CDH11: variants seen among roughly 807,000 people sequenced by gnomAD.
CDH11 encodes cadherin-11.
Under a neutral mutation model 67.8 loss-of-function variants are expected in CDH11, and 11 were observed. The observed-to-expected ratio is 0.16, with a 90% CI of 0.10 to 0.27. CDH11 has a LOEUF of 0.27. Ranked by LOEUF, CDH11 falls within the 10% of genes least tolerant of loss-of-function variation. The probability of loss-of-function intolerance (pLI) is 1.00; values close to 1 mark genes in which losing one functional copy is unlikely to be tolerated. For missense variants in CDH11, 847 were observed against 1,031.2 expected (o/e 0.82, Z 2.45); for synonymous variants, 419 against 400.0 (o/e 1.05, Z -0.57).
At chr16:65,021,567 C>CAT (rs1291129386) in intron 2 of CDH11, among the ~76,000 whole-genome samples, 2 of 72,806 alleles carry the variant, frequency 2.7e-5, no homozygotes, top group Non-Finnish European at 7.0e-5. Flanking sequence ...CACACACACA[C>CAT]ACATATATAT....
At chr16:65,047,358 G>GT (rs202208591) in intron 2 of CDH11, among the ~76,000 whole-genome samples, 8,550 of 148,522 alleles carry the variant, frequency 0.058, 543 homozygotes, top group African/African-American at 0.16. Flanking sequence ...GTTTGTTTTT[G>GT]GTTTTTTTTT....
Position 64,944,091 on chromosome 16 carries a change from G to A in CDH11, c.*3512C>T, listed in dbSNP as rs139003527. ...GAGTGGAATGACACTGGAGAGGTTC[G>A]CAGGGCCCTGTTCATGTAAAGCAAT... On this transcript the variant is annotated 3_prime_UTR_variant, in exon 13 of 13. Coordinates refer to ENST00000268603, the MANE Select transcript of CDH11 (RefSeq NM_001797.4). The A allele has an allele frequency of 9.0e-5, 21 of 232,484 alleles. No individual in the cohort carries two copies. The highest frequency in any genetic ancestry group is 7.9e-4 in the Admixed American group (14 of 17,756). The allele number at this position is 232,484 out of a possible 1,614,324, so 14.4% of individuals were successfully genotyped here. A position where few individuals can be genotyped will look rare whatever the true frequency, so the allele number is the denominator to read the frequency against.
rs2074558496 is a variant in CDH11 at position 65,078,701 on chromosome 16, T to C, written c.-297-24773A>G. 2.0e-5 allele frequency among the ~76,000 whole-genome samples: 3 copies of C among 152,258 alleles called. No individual in the cohort carries two copies. In the South Asian group the frequency reaches 6.2e-4, roughly 32 times the overall value. On this transcript the variant is annotated intron_variant, in intron 1 of 12. Coordinates refer to ENST00000268603, the MANE Select transcript of CDH11 (RefSeq NM_001797.4). Reference sequence around the variant, plus strand: ...TGCTGTTTTCTGCTGAATGAGGCACTAGAAATCACAAGGCAGGTAAGCAAT... The same window carrying C: ...TGCTGTTTTCTGCTGAATGAGGCACCAGAAATCACAAGGCAGGTAAGCAAT...
chr16:65,089,379 A>G (rs2074754679), intron 1 of CDH11, among the ~76,000 whole-genome samples: 1 of 152,194 alleles, frequency 6.6e-6, no homozygotes, highest in African/African-American at 2.4e-5. Flanking sequence ...ATTTAATAAC[A>G]TTCTATATTT....
At chr16:65,049,600 A>G (rs1043884849) in intron 2 of CDH11, among the ~76,000 whole-genome samples, 1 of 152,202 alleles carries the variant, frequency 6.6e-6, no homozygotes, top group Non-Finnish European at 1.5e-5. Context: ...CACTAGCTAA[A>G]TAAAGCAAGA....
chr16:65,014,897 C>T (rs933534285), intron 2 of CDH11, among the ~76,000 whole-genome samples: 2 of 151,416 alleles, frequency 1.3e-5, no homozygotes, highest in South Asian at 2.1e-4. Flanking sequence ...CTCTTTTTGG[C>T]CAGGCTGGAG....
rs1444187323 is a variant in CDH11, at chr16:64,992,924, C to T, written c.634G>A (p.Ala212Thr). The change falls in exon 5 of 13, where the codon GCA becomes ACA. Residue 212 changes from alanine to threonine, a missense_variant. Coordinates refer to ENST00000268603, the MANE Select transcript of CDH11 (RefSeq NM_001797.4). ...LEGQPYFSVE[A>T]QTGIIRTALP... ...TGACATTCCACAGTACCTGTCTGTG[C>T]TTCCACCGAAAAATAGGGTTGTCCT... 1.2e-6 allele frequency: 2 copies of T among 1,613,622 alleles called. No homozygotes were observed. Among genetic ancestry groups the T allele is most frequent in the South Asian group, 1.1e-5 (1 of 91,062 alleles).
At chr16:65,021,973 G>A (rs956205763) in intron 2 of CDH11, among the ~76,000 whole-genome samples, 1 of 151,382 alleles carries the variant, frequency 6.6e-6, no homozygotes, top group Non-Finnish European at 1.5e-5. Context: ...TCCCATAAGA[G>A]TCAAACAGGA....
At chr16:65,009,518 C>T (rs1033796795) in intron 2 of CDH11, among the ~76,000 whole-genome samples, 6 of 151,556 alleles carry the variant, frequency 4.0e-5, no homozygotes, top group Non-Finnish European at 5.9e-5. Flanking sequence ...ATTGAGAGAA[C>T]TGATTGATGT....
chr16:65,109,276 C>T (rs2075118310), intron 1 of CDH11, among the ~76,000 whole-genome samples: 1 of 152,224 alleles, frequency 6.6e-6, no homozygotes, highest in Non-Finnish European at 1.5e-5. Flanking sequence ...CTCTCTGACC[C>T]ATTAGACAGG....
intron 2 of CDH11, among the ~76,000 whole-genome samples, chr16:65,014,252 C>T (rs1158484495): frequency 6.6e-6 from 1 of 152,028 alleles, no homozygotes; most frequent in Non-Finnish European, 1.5e-5. Flanking sequence ...AGACCAGGGT[C>T]GTTCAATAGA....
chr16:65,064,990 G>A (rs1188049677), intron 1 of CDH11, among the ~76,000 whole-genome samples: 7 of 152,104 alleles, frequency 4.6e-5, no homozygotes, highest in Non-Finnish European at 8.8e-5. Context: ...CATCTAAACC[G>A]CCCCAGACCC....
chr16:65,111,574 C>A lies in CDH11; in HGVS notation c.-298+10306G>T, dbSNP rs188120760. Among the ~76,000 whole-genome samples, 133 of 152,064 alleles carry A rather than the reference C, an allele frequency of 8.7e-4. 1 individual carries two copies. Among genetic ancestry groups the A allele is most frequent in the Admixed American group, 4.6e-3 (70 of 15,268 alleles). ...GCAATAAAAGCTAATGTAATGTAGC[C>A]TCAGGCTGCAATAAAAGAAGTGTGT... On this transcript the variant is annotated intron_variant, in intron 1 of 12. Transcript: ENST00000268603.
intron 2 of CDH11, among the ~76,000 whole-genome samples, chr16:65,017,575 G>A (rs148713556): frequency 3.4e-4 from 52 of 152,250 alleles, no homozygotes; most frequent in Non-Finnish European, 7.1e-4. Flanking sequence ...CAATGAGGAC[G>A]ACAGCAGTAT....
chr16:64,992,107 C>T (rs1182610177), intron 5 of CDH11, among the ~76,000 whole-genome samples, 172 bp from the exon 6 acceptor site: 1 of 152,162 alleles, frequency 6.6e-6, no homozygotes, highest in Non-Finnish European at 1.5e-5. Flanking sequence ...ATCATTATGT[C>T]TTTTCAAGCA....
At chr16:64,966,973 C>T (rs1280817913) in intron 11 of CDH11, among the ~76,000 whole-genome samples, 1 of 152,000 alleles carries the variant, frequency 6.6e-6, no homozygotes, top group Admixed American at 6.6e-5. Context: ...AAAAGAAGAA[C>T]TGATTAATAA....
In CDH11 at chr16:64,946,081, T is replaced by G; in HGVS notation, c.*1522A>C. On this transcript the variant is annotated 3_prime_UTR_variant, in exon 13 of 13. Coordinates refer to ENST00000268603, the MANE Select transcript of CDH11 (RefSeq NM_001797.4). ...CACTCCTGGACCAAATGGCATCGAC[T>G]CTCAGAATCCAAAATGGTCCCTGCC... 1 of 1,058,208 alleles carries G rather than the reference T, an allele frequency of 9.4e-7. No individual in the cohort carries two copies. Among genetic ancestry groups the G allele is most frequent in the South Asian group, 4.6e-5 (1 of 21,928 alleles). The allele number at this position is 1,058,208 out of a possible 1,614,324, so 65.6% of individuals were successfully genotyped here.
chr16:65,067,460 C>G (rs979305567), intron 1 of CDH11, among the ~76,000 whole-genome samples: 1 of 152,178 alleles, frequency 6.6e-6, no homozygotes, highest in Non-Finnish European at 1.5e-5. Context: ...TCTAGCCCCA[C>G]CATTCTCTCA....
chr16:65,087,567 G>A (rs1343467126), intron 1 of CDH11, among the ~76,000 whole-genome samples: 1 of 151,964 alleles, frequency 6.6e-6, no homozygotes, highest in Non-Finnish European at 1.5e-5. Context: ...CCCTACTGTT[G>A]GATAAATGTG....
Sources: allele counts gnomAD v4.1 joint callset (sites outside exome capture counted in the v4.1 genomes callset), GRCh38; gene constraint gnomAD v4.1.1; transcripts MANE v1.5; gene names NCBI Gene and HGNC (gene_info 2026-07-23, HGNC 2026-07-21).